The following MACROD2 variants were observed in gnomAD, a reference collection of about 807,000 sequenced individuals.
MACROD2 encodes ADP-ribose glycohydrolase MACROD2.
In MACROD2, 36 loss-of-function variants were observed where a neutral mutation model predicts 70.4. That is an observed-to-expected ratio of 0.51 (90% CI 0.39 to 0.68). The LOEUF (loss-of-function observed/expected upper bound fraction) is 0.68. MACROD2 is among the 30% of genes least tolerant of loss of function. The probability of loss-of-function intolerance (pLI) is 0.00; values close to 1 mark genes in which losing one functional copy is unlikely to be tolerated. For synonymous variants in MACROD2, 172 were observed against 178.8 expected (o/e 0.96, Z 0.30); for missense variants, 496 against 538.4 (o/e 0.92, Z 0.78).
chr20:15,143,945 T>TTAA (rs756336266), intron 5 of MACROD2, among the ~76,000 whole-genome samples: 1 of 131,952 alleles, frequency 7.6e-6, no homozygotes, highest in Non-Finnish European at 1.6e-5. Flanking sequence ...GCTGATGAGC[T>TTAA]AAAAAAAAAA....
At chr20:14,531,258 T>A (rs990836640) in intron 4 of MACROD2, among the ~76,000 whole-genome samples, 2 of 152,084 alleles carry the variant, frequency 1.3e-5, no homozygotes, top group Admixed American at 6.6e-5. Flanking sequence ...CAATTAAGGA[T>A]CTCAAGAGGA....
At chr20:14,905,585 A>T (rs1333314569) in intron 5 of MACROD2, 2 of 152,126 alleles carry the variant, frequency 1.3e-5, no homozygotes, top group African/African-American at 4.8e-5. Flanking sequence ...TGGAACTAAG[A>T]TCCCTTCCTG....
intron 6 of MACROD2, among the ~76,000 whole-genome samples, chr20:15,304,125 C>T (rs2077673222): frequency 6.6e-6 from 1 of 152,066 alleles, no homozygotes; most frequent in Non-Finnish European, 1.5e-5. Flanking sequence ...CAATCTATTT[C>T]TTATCTAGTA....
At chr20:15,946,471 T>C (rs2065824294) in intron 12 of MACROD2, among the ~76,000 whole-genome samples, 1 of 152,220 alleles carries the variant, frequency 6.6e-6, no homozygotes, top group Non-Finnish European at 1.5e-5. Context: ...TCTTGATTTC[T>C]GTTCTCTTCA....
Position 15,775,233 on chromosome 20 carries a change from C to CA in MACROD2, c.646-87505dup, listed in dbSNP as rs201173398. ...TTATGCCCCTTCCTGAGTCTCACTA[C>CA]AAAAAAATGGCAGTACAAGCATGAT... On this transcript the variant is annotated intron_variant, in intron 8 of 17. Coordinates refer to ENST00000684519, the MANE Select transcript of MACROD2 (RefSeq NM_001351661.2). Among the ~76,000 whole-genome samples, 1,117 of 152,124 alleles carry CA rather than the reference C, an allele frequency of 7.3e-3. 10 individuals carry two copies. The highest frequency in any genetic ancestry group is 0.01 in the Non-Finnish European group (702 of 67,978).
At chr20:14,019,443 G>T (rs1004109070) in intron 2 of MACROD2, among the ~76,000 whole-genome samples, 1 of 151,998 alleles carries the variant, frequency 6.6e-6, no homozygotes, top group Non-Finnish European at 1.5e-5. Flanking sequence ...CTAATTTTTT[G>T]TATATTGTTT....
At chr20:15,031,262 C>T (rs1382779173) in intron 5 of MACROD2, among the ~76,000 whole-genome samples, 2 of 152,224 alleles carry the variant, frequency 1.3e-5, no homozygotes. Flanking sequence ...AGCCCTAACT[C>T]GAGGAGGCCC....
intron 6 of MACROD2, among the ~76,000 whole-genome samples, chr20:15,266,189 A>C (rs774780488): frequency 6.6e-6 from 1 of 152,248 alleles, no homozygotes; most frequent in Non-Finnish European, 1.5e-5. Context: ...ATAAGCCACA[A>C]TTGCAAACTT....
intron 5 of MACROD2, among the ~76,000 whole-genome samples, chr20:15,129,307 GT>G (rs770783856): frequency 5.4e-4 from 82 of 152,012 alleles, no homozygotes; most frequent in Non-Finnish European, 1.0e-3. Context: ...ACTTCATTCA[GT>G]TCCTAAGTAA....
At chr20:15,040,632 T>C (rs183492445) in intron 5 of MACROD2, among the ~76,000 whole-genome samples, 1 of 152,320 alleles carries the variant, frequency 6.6e-6, no homozygotes, top group Admixed American at 6.5e-5. Flanking sequence ...CTTTTTGGAT[T>C]GCCAATTCCC....
intron 8 of MACROD2, among the ~76,000 whole-genome samples, chr20:15,644,440 C>T (rs1322210531): frequency 6.6e-6 from 1 of 152,164 alleles, no homozygotes; most frequent in Non-Finnish European, 1.5e-5. Flanking sequence ...TGCATTCACC[C>T]TTCCCCTCCT....
At chr20:14,855,627 T>TTTTTTTTTAA (rs1346121776) in intron 5 of MACROD2, among the ~76,000 whole-genome samples, 1 of 125,090 alleles carries the variant, frequency 8.0e-6, no homozygotes. Flanking sequence ...TTTTTTTTTT[T>TTTTTTTTTAA]AATAAGGCAC....
intron 8 of MACROD2, among the ~76,000 whole-genome samples, chr20:15,853,242 G>T (rs559938206): frequency 1.4e-4 from 21 of 152,218 alleles, no homozygotes; most frequent in African/African-American, 4.1e-4. Context: ...TGATGTTTAT[G>T]GAGCATTTAC....
chr20:14,040,077 G>A (rs1288664396), intron 2 of MACROD2, among the ~76,000 whole-genome samples: 1 of 151,968 alleles, frequency 6.6e-6, no homozygotes, highest in African/African-American at 2.4e-5. Flanking sequence ...GTAATTGTGG[G>A]GATAGCAAAT....
At chr20:15,526,982 A>G (rs1398314272) in intron 8 of MACROD2, among the ~76,000 whole-genome samples, 1 of 152,212 alleles carries the variant, frequency 6.6e-6, no homozygotes, top group Non-Finnish European at 1.5e-5. Flanking sequence ...GGAAATGAGA[A>G]AGATATGACC....
intron 8 of MACROD2, among the ~76,000 whole-genome samples, chr20:15,568,415 C>T (rs1027789149): frequency 9.9e-5 from 15 of 152,186 alleles, no homozygotes; most frequent in South Asian, 2.1e-4. Context: ...CACACAGAGA[C>T]TTTATCCCTT....
At chr20:14,343,639 C>T (rs1245722191) in intron 3 of MACROD2, among the ~76,000 whole-genome samples, 2 of 152,180 alleles carry the variant, frequency 1.3e-5, no homozygotes, top group African/African-American at 4.8e-5. Context: ...ATGCTTCTGC[C>T]TTCTCTCCTG....
At chr20:15,189,813 GATC>G (rs1359328758) in intron 5 of MACROD2, among the ~76,000 whole-genome samples, 6 of 152,244 alleles carry the variant, frequency 3.9e-5, no homozygotes, top group African/African-American at 1.4e-4. Context: ...GGGGACCTGA[GATC>G]ATTACAGTGT....
At chr20:15,872,845 C>A (rs543265885) in intron 9 of MACROD2, among the ~76,000 whole-genome samples, 17 of 152,054 alleles carry the variant, frequency 1.1e-4, no homozygotes, top group Admixed American at 7.2e-4. Context: ...TCCTTCTGAT[C>A]TTTAGAAATG....
Sources: allele counts gnomAD v4.1 joint callset (sites outside exome capture counted in the v4.1 genomes callset), GRCh38; gene constraint gnomAD v4.1.1; transcripts MANE v1.5; gene names NCBI Gene and HGNC (gene_info 2026-07-23, HGNC 2026-07-21).